IQSEC1: variants seen among roughly 807,000 people sequenced by gnomAD.
IQSEC1 encodes the protein IQ motif and SEC7 domain-containing protein 1.
A neutral mutation model predicts 91.0 loss-of-function variants in IQSEC1; 31 were observed. The ratio of observed to expected loss-of-function variants is 0.34; its 90% CI spans 0.26 to 0.46. The LOEUF (loss-of-function observed/expected upper bound fraction) is 0.46, where lower values mean the gene tolerates loss of function less well. IQSEC1 is among the 20% of genes least tolerant of loss of function. IQSEC1 has a pLI of 1.00. For synonymous variants in IQSEC1, 699 were observed against 662.6 expected, an observed-to-expected ratio of 1.05 and a Z score of -0.84; for missense variants, 1,388 against 1,575.6, an observed-to-expected ratio of 0.88 and a Z score of 2.02.
chr3:13,120,132 C>T (rs1353250955), intron 2 of IQSEC1, among the ~76,000 whole-genome samples: 1 of 152,190 alleles, frequency 6.6e-6, no homozygotes, highest in Non-Finnish European at 1.5e-5. Context: ...CGGCTCCCTC[C>T]CGGGGAGGAG....
intron 1 of IQSEC1, among the ~76,000 whole-genome samples, chr3:13,167,046 TAC>T (rs1693510717): frequency 6.6e-6 from 1 of 152,154 alleles, no homozygotes; most frequent in Admixed American, 6.6e-5. Context: ...TGCATGTGTG[TAC>T]GTGTGTGGTA....
At chr3:13,123,425 G>T (rs1355544008) in intron 2 of IQSEC1, among the ~76,000 whole-genome samples, 1 of 152,256 alleles carries the variant, frequency 6.6e-6, no homozygotes, top group Non-Finnish European at 1.5e-5. Flanking sequence ...GTGGCCTGTG[G>T]CTACAGGGGA....
chr3:12,950,135 C>T (rs532408960), intron 1 of IQSEC1, among the ~76,000 whole-genome samples: 1 of 152,374 alleles, frequency 6.6e-6, no homozygotes, highest in South Asian at 2.1e-4. Context: ...CAAGAAAGCA[C>T]TGCTCTTCCC....
intron 6 of IQSEC1, among the ~76,000 whole-genome samples, chr3:12,919,790 C>A (rs969461052): frequency 1.3e-5 from 2 of 152,240 alleles, no homozygotes; most frequent in African/African-American, 2.4e-5. Context: ...AGGGGACACA[C>A]TGGGCTGGCA....
chr3:13,144,343 G>T lies in IQSEC1; in HGVS notation c.302+19761C>A, dbSNP rs1706850886. Among the ~76,000 whole-genome samples the T allele has an allele frequency of 2.6e-5, 4 of 152,310 alleles. No individual in the cohort carries two copies. In the South Asian group the frequency reaches 8.3e-4, roughly 32 times the overall value. The stretch of plus-strand genomic sequence containing the variant: ...CCCAGCCGTGGATGCCTGATATCTG[G>T]TCACCGCCACGTGGCTGTCAGGAGA... On this transcript the variant is annotated intron_variant, in intron 2 of 15. Coordinates refer to the IQSEC1 transcript ENST00000648114.
At chr3:13,217,238 T>A (rs1302352040) in intron 1 of IQSEC1, among the ~76,000 whole-genome samples, 1 of 152,252 alleles carries the variant, frequency 6.6e-6, no homozygotes, top group Non-Finnish European at 1.5e-5. Context: ...CTTCTCCCAA[T>A]GAGATCCCTC....
chr3:13,187,498 C>T (rs930943201), intron 1 of IQSEC1, among the ~76,000 whole-genome samples: 1 of 152,176 alleles, frequency 6.6e-6, no homozygotes, highest in Non-Finnish European at 1.5e-5. Flanking sequence ...AATATATTTA[C>T]ATATATTTTA....
At chr3:13,200,650 C>T (rs142389033) in intron 1 of IQSEC1, among the ~76,000 whole-genome samples, 3,287 of 152,344 alleles carry the variant, frequency 0.022, 52 homozygotes, top group Non-Finnish European at 0.035. Context: ...TGGGGAAGAA[C>T]GGCTGCTAGC....
At chr3:12,915,527 A>G in intron 7 of IQSEC1, 67 bp downstream of exon 7, 1 of 1,555,592 alleles carries the variant, frequency 6.4e-7, no homozygotes, top group South Asian at 1.2e-5. Context: ...TGGGAGTGAG[A>G]AGGCCTGGCA....
chr3:13,210,362 T>C (rs1212672044), intron 1 of IQSEC1, among the ~76,000 whole-genome samples: 1 of 152,030 alleles, frequency 6.6e-6, no homozygotes, highest in Non-Finnish European at 1.5e-5. Context: ...CGCACACTCA[T>C]TGCAGGAGAA....
At chr3:13,278,795 G>A (rs970336982) in intron 1 of IQSEC1, among the ~76,000 whole-genome samples, 1 of 150,738 alleles carries the variant, frequency 6.6e-6, no homozygotes, top group Non-Finnish European at 1.5e-5. Context: ...CTCCAGCTCT[G>A]GATGACAGAG....
chr3:12,970,949 C>T lies in IQSEC1; in HGVS notation c.24-29084G>A, dbSNP rs549652089. Reference sequence around the variant, plus strand: ...ACAGAAGGTCTTCGACAGCTGAATACGCCAAAGGTTGGTAAACTATGGCCT... The same window carrying T: ...ACAGAAGGTCTTCGACAGCTGAATATGCCAAAGGTTGGTAAACTATGGCCT... On this transcript the variant is annotated intron_variant, in intron 1 of 13. Transcript: ENST00000613206. This position sits in a 1 kb window ranked among gnomAD's most constrained non-coding sequence, Gnocchi z 4.4. 1.3e-5 allele frequency among the ~76,000 whole-genome samples: 2 copies of T among 152,184 alleles called. No individual in the cohort carries two copies. Among genetic ancestry groups the T allele is most frequent in the Admixed American group, 6.5e-5 (1 of 15,280 alleles).
rs370390726 is a variant in IQSEC1 at position 12,927,006 on chromosome 3, G to A, written c.1569-2264C>T. 1.5e-4 allele frequency among the ~76,000 whole-genome samples: 23 copies of A among 152,254 alleles called. No individual in the cohort carries two copies. In the East Asian group the frequency reaches 3.1e-3, roughly 20 times the overall value. On this transcript the variant is annotated intron_variant, in intron 3 of 13. Coordinates refer to ENST00000613206, the MANE Select transcript of IQSEC1 (RefSeq NM_001134382.3). Reference sequence around the variant, plus strand: ...GGTTTCACTATTCACAAGATCACATGCCTCGCTATGATTCGGGGGTCTCCA... The same window carrying A: ...GGTTTCACTATTCACAAGATCACATACCTCGCTATGATTCGGGGGTCTCCA...
intron 1 of IQSEC1, chr3:13,042,576 C>T (rs530088699): frequency 1.3e-5 from 2 of 152,624 alleles, no homozygotes; most frequent in African/African-American, 2.4e-5. Context: ...AACTCATTCA[C>T]GCAGCTCGCC....
Position 13,261,421 on chromosome 3 carries a change from C to T in IQSEC1, c.272+21290G>A, listed in dbSNP as rs1396115349. ...AGACCACGCCATGCCCCTCGATGCC[C>T]CCTCTACCCATCCAGCCCCTCGAAT... On this transcript the variant is annotated intron_variant, in intron 1 of 15. Coordinates refer to the IQSEC1 transcript ENST00000648114. Among the ~76,000 whole-genome samples the T allele has an allele frequency of 2.6e-5, 4 of 152,296 alleles. No homozygotes were observed. The East Asian group carries it at 5.8e-4, about 22-fold the overall frequency.
At chr3:13,066,512 G>T (rs1386238423) in intron 1 of IQSEC1, among the ~76,000 whole-genome samples, 2 of 152,244 alleles carry the variant, frequency 1.3e-5, no homozygotes, top group Non-Finnish European at 2.9e-5. Flanking sequence ...GAGGTGAAGG[G>T]GAAGAAGGGC....
upstream of IQSEC1, among the ~76,000 whole-genome samples, chr3:13,077,176 A>G (rs4684906): frequency 0.31 from 47,154 of 151,856 alleles, 7,826 homozygotes; most frequent in East Asian, 0.55. Context: ...ATAGGCATGC[A>G]CCACCAAACC....
intron 1 of IQSEC1, among the ~76,000 whole-genome samples, chr3:12,966,743 C>G (rs1700597376): frequency 6.6e-6 from 1 of 152,190 alleles, no homozygotes; most frequent in African/African-American, 2.4e-5. Context: ...CCAGTGCACC[C>G]CCAAGTGGCC....
intron 1 of IQSEC1, among the ~76,000 whole-genome samples, chr3:12,956,310 A>G (rs1699901493): frequency 6.6e-6 from 1 of 152,226 alleles, no homozygotes; most frequent in South Asian, 2.1e-4. Context: ...TAGGATCTAC[A>G]GTTTGGGACC....
Sources: allele counts gnomAD v4.1 joint callset (sites outside exome capture counted in the v4.1 genomes callset), GRCh38; gene constraint gnomAD v4.1.1; non-coding constraint Gnocchi (gnomAD v3.1); transcripts MANE v1.5; gene names NCBI Gene and HGNC (gene_info 2026-07-23, HGNC 2026-07-21).